Variants in GRAP2 observed in about 807,000 individuals in gnomAD.
The protein encoded by GRAP2 is GRB2 related adaptor protein 2.
Under a neutral mutation model 43.5 loss-of-function variants are expected in GRAP2, and 31 were observed. The observed-to-expected ratio is 0.71, with a 90% CI of 0.54 to 0.96. The LOEUF (loss-of-function observed/expected upper bound fraction) is 0.96. Among genes scored for constraint, GRAP2 ranks in the 40% least tolerant of loss-of-function variants. GRAP2 has a pLI of 0.00. For missense variants in GRAP2, 371 were observed against 424.4 expected, an observed-to-expected ratio of 0.87 and a Z score of 1.11; for synonymous variants, 156 against 164.8, an observed-to-expected ratio of 0.95 and a Z score of 0.41.
intron 1 of GRAP2, among the ~76,000 whole-genome samples, chr22:39,906,243 C>G (rs1165172631): frequency 1.3e-5 from 2 of 152,116 alleles, no homozygotes; most frequent in African/African-American, 4.8e-5. Context: ...CCATAAAACG[C>G]AAGAGTATAA....
chr22:39,938,799 C>T (rs534711847), intron 1 of GRAP2, among the ~76,000 whole-genome samples: 16 of 152,356 alleles, frequency 1.1e-4, no homozygotes, highest in African/African-American at 3.8e-4. Flanking sequence ...GGGAACACAC[C>T]TGCACACAGG....
At chr22:39,919,646 C>G (rs897227820) in intron 1 of GRAP2, among the ~76,000 whole-genome samples, 2 of 152,200 alleles carry the variant, frequency 1.3e-5, no homozygotes, top group African/African-American at 4.8e-5. Flanking sequence ...TTTTACCTGT[C>G]TATCCTTGAA....
At chr22:39,940,470 G>C (rs1050065081) in intron 1 of GRAP2, among the ~76,000 whole-genome samples, 2 of 151,324 alleles carry the variant, frequency 1.3e-5, no homozygotes, top group Non-Finnish European at 2.9e-5. Flanking sequence ...GTGGCTTACA[G>C]GCGAGCCATA....
chr22:39,899,358 C>T (rs575169180), upstream of GRAP2, among the ~76,000 whole-genome samples: 22 of 152,254 alleles, frequency 1.4e-4, no homozygotes, highest in Middle Eastern at 3.4e-3. Context: ...CCCTTCGCTC[C>T]CACTCCCCAA....
intron 4 of GRAP2, among the ~76,000 whole-genome samples, chr22:39,962,840 G>T (rs916047972): frequency 3.3e-5 from 5 of 151,868 alleles, no homozygotes; most frequent in Non-Finnish European, 7.4e-5. Flanking sequence ...TGTGTGTGTG[G>T]TTTTTTTCAG....
At chr22:39,962,084 A>G (rs1000411707) in intron 4 of GRAP2, among the ~76,000 whole-genome samples, 5 of 152,236 alleles carry the variant, frequency 3.3e-5, no homozygotes, top group African/African-American at 1.2e-4. Flanking sequence ...ACAAATTCTA[A>G]TCTTGTTAGG....
chr22:39,968,118 G>T lies in GRAP2; in HGVS notation c.536G>T (p.Arg179Leu), dbSNP rs61752259. 583 of 1,608,422 alleles carry T rather than the reference G, an allele frequency of 3.6e-4. 1 individual carries two copies. The highest frequency in any genetic ancestry group is 4.8e-4 in the Non-Finnish European group (560 of 1,177,406). The change falls in exon 6 of 8, where the codon CGA becomes CTA. Residue 179 changes from arginine to leucine, a missense_variant. Physicochemically the swap from Arg to Leu is moderately radical, Grantham distance 102 (BLOSUM62 -2). Transcript: ENST00000344138. Reference sequence around the variant, plus strand: ...AGTGGGGCTGTGGGAGAAGAAATCCGACCTTCGATGAACCGGAAGCTGTCG... The same window carrying T: ...AGTGGGGCTGTGGGAGAAGAAATCCTACCTTCGATGAACCGGAAGCTGTCG... ...HLSGAVGEEIRPSMNRKLSDH... is the reference protein window; with the variant it reads ...HLSGAVGEEILPSMNRKLSDH...
chr22:39,965,211 G>A (rs766778947), intron 4 of GRAP2, among the ~76,000 whole-genome samples: 3 of 152,170 alleles, frequency 2.0e-5, no homozygotes, highest in Non-Finnish European at 4.4e-5. Flanking sequence ...CCAACATGGC[G>A]AAACCCCGTC....
chr22:39,926,834 T>G (rs2066706544), intron 1 of GRAP2: 1 of 984,506 alleles, frequency 1.0e-6, no homozygotes, highest in East Asian at 1.1e-4. Context: ...AGGGGAGTAT[T>G]GTCTGGCTGA....
chr22:39,953,125 C>T (rs537115780), intron 2 of GRAP2, among the ~76,000 whole-genome samples: 1 of 152,094 alleles, frequency 6.6e-6, no homozygotes. Flanking sequence ...AGAAAGAAGC[C>T]CAAGGGCCCT....
At chr22:39,955,150 G>A (rs1363592353) in intron 2 of GRAP2, among the ~76,000 whole-genome samples, 1 of 152,162 alleles carries the variant, frequency 6.6e-6, no homozygotes, top group East Asian at 1.9e-4. Flanking sequence ...CTAGGTCAAA[G>A]GATCAAGACA....
At chr22:39,924,228 T>C (rs1222613191) in intron 1 of GRAP2, among the ~76,000 whole-genome samples, 1 of 152,214 alleles carries the variant, frequency 6.6e-6, no homozygotes, top group Admixed American at 6.5e-5. Flanking sequence ...AAATACTGTT[T>C]ATAAATCGCG....
intron 4 of GRAP2, among the ~76,000 whole-genome samples, chr22:39,962,638 G>C (rs1370190285): frequency 2.0e-5 from 3 of 151,878 alleles, no homozygotes; most frequent in Non-Finnish European, 4.4e-5. Flanking sequence ...GGCTTTTTCA[G>C]CTAGAAACTA....
chr22:39,966,253 CCT>C, intron 5 of GRAP2, 95 bp downstream of exon 5: 2 of 901,864 alleles, frequency 2.2e-6, no homozygotes, highest in African/African-American at 1.7e-5. Context: ...ATGGGTAGAT[CCT>C]CTGAGTATAC....
chr22:39,920,158 G>A (rs2066636605), intron 1 of GRAP2, among the ~76,000 whole-genome samples: 1 of 152,190 alleles, frequency 6.6e-6, no homozygotes, highest in Admixed American at 6.5e-5. Flanking sequence ...AGAGAACAAA[G>A]AGTGGGCTTG....
Position 39,962,400 on chromosome 22 carries a change from G to A in GRAP2, c.290+2226G>A, listed in dbSNP as rs1448985845. Reference sequence around the variant, plus strand: ...CGATCGCACCACTGCACTCTAGCCTGGGTGACAGAGCAAGACCCTGTCTCA... The same window carrying A: ...CGATCGCACCACTGCACTCTAGCCTAGGTGACAGAGCAAGACCCTGTCTCA... On this transcript the variant is annotated intron_variant, in intron 4 of 7. Coordinates refer to ENST00000344138, the MANE Select transcript of GRAP2 (RefSeq NM_004810.4). Among the ~76,000 whole-genome samples the A allele has an allele frequency of 2.0e-5, 3 of 152,114 alleles. No individual in the cohort carries two copies. The East Asian group carries it at 5.8e-4, about 29-fold the overall frequency.
Position 39,966,068 on chromosome 22 carries a change from A to T in GRAP2, c.369A>T (p.Pro123=), listed in dbSNP as rs775441624. Reference sequence around the variant, plus strand: ...ACTTTCTGTGGACTGAGAAGTTTCCATCCCTAAATAAGCTGGTAGACTACT... The same window carrying T: ...ACTTTCTGTGGACTGAGAAGTTTCCTTCCCTAAATAAGCTGGTAGACTACT... ...GNYFLWTEKF[P]SLNKLVDYYR... is the part of the protein sequence containing the mutation. The change falls in exon 5 of 8, where the codon CCA becomes CCT. Residue 123 remains proline, a synonymous_variant. Coordinates refer to ENST00000344138, the MANE Select transcript of GRAP2 (RefSeq NM_004810.4). 327 of 1,613,546 alleles carry T rather than the reference A, an allele frequency of 2.0e-4. 1 individual carries two copies. The highest frequency in any genetic ancestry group is 2.6e-4 in the Non-Finnish European group (304 of 1,179,494).
At chr22:39,896,713 T>G (rs2066467832), upstream of GRAP2, among the ~76,000 whole-genome samples, 1 of 152,182 alleles carries the variant, frequency 6.6e-6, no homozygotes, top group Non-Finnish European at 1.5e-5. Flanking sequence ...GTGTCAAGTG[T>G]TACCAGCTTA....
chr22:39,911,126 AGC>A (rs2066561296), intron 1 of GRAP2, among the ~76,000 whole-genome samples: 1 of 152,238 alleles, frequency 6.6e-6, no homozygotes, highest in Non-Finnish European at 1.5e-5. Flanking sequence ...ACTCAGAGGC[AGC>A]ATTAGATGAG....
Sources: allele counts gnomAD v4.1 joint callset (sites outside exome capture counted in the v4.1 genomes callset), GRCh38; gene constraint gnomAD v4.1.1; transcripts MANE v1.5; gene names NCBI Gene and HGNC (gene_info 2026-07-23, HGNC 2026-07-21).